The following TXNRD1 variants were observed in gnomAD, a reference collection of about 807,000 sequenced individuals.
TXNRD1 encodes the protein thioredoxin reductase 1, cytoplasmic.
A neutral mutation model predicts 80.3 loss-of-function variants in TXNRD1; 57 were observed. The observed-to-expected ratio is 0.71, with a 90% CI of 0.57 to 0.89. TXNRD1 has a LOEUF of 0.89. Ranked by LOEUF, TXNRD1 falls within the 40% of genes least tolerant of loss-of-function variation. The probability of loss-of-function intolerance (pLI) is 0.00; values close to 1 mark genes in which losing one functional copy is unlikely to be tolerated. For missense variants in TXNRD1, 730 were observed against 803.0 expected (o/e 0.91, Z 1.10); for synonymous variants, 291 against 285.2 (o/e 1.02, Z -0.20).
intron 4 of TXNRD1, among the ~76,000 whole-genome samples, chr12:104,307,573 C>T (rs1274236544): frequency 1.3e-5 from 2 of 152,162 alleles, no homozygotes; most frequent in Non-Finnish European, 2.9e-5. Flanking sequence ...GTCACCTGGC[C>T]TTGTGAGTGG....
intron 4 of TXNRD1, chr12:104,289,659 A>G (rs1871645778): frequency 6.6e-6 from 1 of 152,186 alleles, no homozygotes; most frequent in Admixed American, 6.5e-5. Context: ...CTGAGGAGTT[A>G]TAGCCACTGA....
intron 3 of TXNRD1, among the ~76,000 whole-genome samples, chr12:104,274,356 C>T (rs2033713611): frequency 6.6e-6 from 1 of 152,070 alleles, no homozygotes; most frequent in Non-Finnish European, 1.5e-5. Context: ...GGGGGATGTT[C>T]TTCTCAAGAT....
intron 1 of TXNRD1, among the ~76,000 whole-genome samples, chr12:104,226,660 C>A (rs183705545): frequency 6.6e-6 from 1 of 152,154 alleles, no homozygotes; most frequent in Non-Finnish European, 1.5e-5. Context: ...AGCACCTATG[C>A]GCCTTAGTTC....
At chr12:104,304,664 G>C in intron 4 of TXNRD1, 1 of 1,613,864 alleles carries the variant, frequency 6.2e-7, no homozygotes, top group Non-Finnish European at 8.5e-7. Context: ...GTCCTATTTT[G>C]AGTTTGTGAT....
At chr12:104,276,193 A>T (rs1201666991) in intron 3 of TXNRD1, among the ~76,000 whole-genome samples, 1 of 152,206 alleles carries the variant, frequency 6.6e-6, no homozygotes, top group East Asian at 1.9e-4. Flanking sequence ...ATGTTGAAGA[A>T]AGGTGGGGTC....
At chr12:104,309,832 T>G (rs1309757803) in intron 4 of TXNRD1, 1 of 1,535,114 alleles carries the variant, frequency 6.5e-7, no homozygotes, top group Non-Finnish European at 8.7e-7. Flanking sequence ...CAGCCTCTTG[T>G]GCTAGACCTT....
At chr12:104,297,043 C>T (rs1436823821) in intron 4 of TXNRD1, among the ~76,000 whole-genome samples, 2 of 152,158 alleles carry the variant, frequency 1.3e-5, no homozygotes, top group African/African-American at 4.8e-5. Flanking sequence ...GTGGCTCATG[C>T]CTGTAATCCC....
chr12:104,277,797 A>G (rs1167032463), intron 3 of TXNRD1, among the ~76,000 whole-genome samples: 1 of 152,110 alleles, frequency 6.6e-6, no homozygotes, highest in African/African-American at 2.4e-5. Flanking sequence ...ATTGTAAGAC[A>G]AACAATGGAT....
chr12:104,337,228 C>T lies in TXNRD1; in HGVS notation c.1747-1911C>T, dbSNP rs147021024. Reference sequence around the variant, plus strand: ...ATACGCTTTATTCATACCATAAACCCGGAATCGTCAGGGCGAATATGTGTA... The same window carrying T: ...ATACGCTTTATTCATACCATAAACCTGGAATCGTCAGGGCGAATATGTGTA... On this transcript the variant is annotated intron_variant, in intron 15 of 16. Transcript: ENST00000525566. Among the ~76,000 whole-genome samples the T allele has an allele frequency of 3.3e-5, 5 of 151,860 alleles. 1 individual carries two copies. The highest frequency in any genetic ancestry group is 4.8e-5 in the African/African-American group (2 of 41,374).
At chr12:104,330,799 G>C (rs2035922518) in intron 13 of TXNRD1, among the ~76,000 whole-genome samples, 1 of 151,964 alleles carries the variant, frequency 6.6e-6, no homozygotes, top group South Asian at 2.1e-4. Context: ...TGTTAGCCAG[G>C]CTGGTCTCGA....
intron 3 of TXNRD1, among the ~76,000 whole-genome samples, chr12:104,268,479 C>T (rs1284135284): frequency 5.3e-5 from 8 of 151,592 alleles, no homozygotes; most frequent in Admixed American, 2.0e-4. Flanking sequence ...GAGCTGAGAT[C>T]GCGCCACTGC....
chr12:104,244,059 TTCC>T (rs1207884884), intron 1 of TXNRD1, among the ~76,000 whole-genome samples: 1 of 152,242 alleles, frequency 6.6e-6, no homozygotes, highest in Non-Finnish European at 1.5e-5. Flanking sequence ...TACCGTGATG[TTCC>T]TCTGTTGTCA....
Position 104,215,788 on chromosome 12 carries a change from A to G in TXNRD1, c.-15A>G, listed in dbSNP as rs764595126. 7.7e-6 allele frequency: 12 copies of G among 1,552,098 alleles called. No homozygotes were observed. Among genetic ancestry groups the G allele is most frequent in the East Asian group, 2.4e-5 (1 of 40,992 alleles). ...GTCCTTCGGCTCCGTCAGTTCCCAC[A>G]GGGCCTTGTGCGACATGGGCTGCGC... is the stretch of plus-strand genomic sequence containing the variant. On this transcript the variant is annotated 5_prime_UTR_variant, in exon 1 of 17. Transcript: ENST00000525566.
intron 1 of TXNRD1, among the ~76,000 whole-genome samples, chr12:104,238,132 A>G (rs886091395): frequency 6.6e-6 from 1 of 152,236 alleles, no homozygotes; most frequent in Non-Finnish European, 1.5e-5. Context: ...AGCGTCATCA[A>G]AATGCAAATA....
chr12:104,337,974 T>TC (rs1555218724), intron 15 of TXNRD1, among the ~76,000 whole-genome samples: 1 of 148,016 alleles, frequency 6.8e-6, no homozygotes, highest in Non-Finnish European at 1.5e-5. Flanking sequence ...TTTTTTTTTT[T>TC]CCTGTAGGGA....
At chr12:104,226,821 T>C (rs1172997796) in intron 1 of TXNRD1, among the ~76,000 whole-genome samples, 1 of 152,136 alleles carries the variant, frequency 6.6e-6, no homozygotes, top group Non-Finnish European at 1.5e-5. Flanking sequence ...ATTTTTGGAT[T>C]CCACAATAGC....
intron 2 of TXNRD1, among the ~76,000 whole-genome samples, chr12:104,254,020 G>T (rs576296086): frequency 6.6e-6 from 1 of 152,098 alleles, no homozygotes; most frequent in Non-Finnish European, 1.5e-5. Context: ...CTGAAATTAC[G>T]TGCTTGTCTA....
intron 3 of TXNRD1, among the ~76,000 whole-genome samples, chr12:104,267,699 T>TTCTTTTTCTC (rs1555209251): frequency 2.2e-5 from 1 of 46,416 alleles, no homozygotes; most frequent in Admixed American, 2.5e-4. Context: ...CTTTCTTTCT[T>TTCTTTTTCTC]TCTCTCTTTC....
chr12:104,334,159 A>T, intron 14 of TXNRD1, 78 bp from the exon 15 acceptor site: 1 of 566,894 alleles, frequency 1.8e-6, no homozygotes. Context: ...AAGAGTCTCT[A>T]CTGTCTTTCA....
Sources: allele counts gnomAD v4.1 joint callset (sites outside exome capture counted in the v4.1 genomes callset), GRCh38; gene constraint gnomAD v4.1.1; transcripts MANE v1.5; gene names NCBI Gene and HGNC (gene_info 2026-07-23, HGNC 2026-07-21).